Variants in CFAP44 observed in about 807,000 individuals in gnomAD.
The protein encoded by CFAP44 is cilia- and flagella-associated protein 44.
CFAP44 carries 134 observed loss-of-function variants against 216.2 expected under a neutral mutation model. That is an observed-to-expected ratio of 0.62 (90% CI 0.54 to 0.72). The LOEUF (loss-of-function observed/expected upper bound fraction) is 0.72, where lower values mean the gene tolerates loss of function less well. Ranked by LOEUF, CFAP44 falls within the 30% of genes least tolerant of loss-of-function variation. The pLI is 0.00. For synonymous variants in CFAP44, 700 were observed against 727.6 expected (o/e 0.96, Z 0.61); for missense variants, 2,035 against 2,182.1 (o/e 0.93, Z 1.34).
chr3:113,326,169 T>TA (rs1349436958), intron 28 of CFAP44, among the ~76,000 whole-genome samples: 4 of 152,162 alleles, frequency 2.6e-5, no homozygotes, highest in Non-Finnish European at 4.4e-5. Flanking sequence ...AATAAACACA[T>TA]AAAAAGATGT....
At chr3:113,394,028 AT>A (rs538904412) in intron 15 of CFAP44, among the ~76,000 whole-genome samples, 4 of 152,292 alleles carry the variant, frequency 2.6e-5, no homozygotes, top group African/African-American at 9.6e-5. Context: ...ATTACTTTTA[AT>A]TTTTTTAAAC....
chr3:113,366,132 C>T lies in CFAP44; in HGVS notation c.2622G>A (p.Val874=), dbSNP rs1445900488. ...AGATATTGCCATCTGCTCCAGCAGT[C>T]ACCAAGAAACGATCATCAAAGCTAT... The part of the protein sequence containing the change: ...IANSFDDRFL[V]TAGADGNIFV... The change falls in exon 19 of 35, where the codon GTG becomes GTA. Residue 874 remains valine, a synonymous_variant. Coordinates refer to ENST00000393845, the MANE Select transcript of CFAP44 (RefSeq NM_001164496.2). 3 of 1,614,008 alleles carry T rather than the reference C, an allele frequency of 1.9e-6. No homozygotes were observed. Among genetic ancestry groups the T allele is most frequent in the Non-Finnish European group, 1.7e-6 (2 of 1,179,970 alleles).
At chr3:113,367,334 G>A (rs909041217) in intron 18 of CFAP44, among the ~76,000 whole-genome samples, 1 of 152,174 alleles carries the variant, frequency 6.6e-6, no homozygotes, top group Admixed American at 6.5e-5. Flanking sequence ...ATACAGGCGG[G>A]TGCCCTTCTG....
At chr3:113,427,665 G>A (rs1934998682) in intron 2 of CFAP44, 1 of 203,296 alleles carries the variant, frequency 4.9e-6, no homozygotes, top group Non-Finnish European at 9.6e-6. Context: ...CTTTTATAGG[G>A]AACCTGTTAC....
intron 28 of CFAP44, among the ~76,000 whole-genome samples, chr3:113,312,137 T>G (rs1253783339): frequency 1.3e-5 from 2 of 149,774 alleles, no homozygotes; most frequent in Non-Finnish European, 3.0e-5. Context: ...AGTGGCACCA[T>G]TGCCACTCAC....
Position 113,433,555 on chromosome 3 carries a change from C to T in CFAP44, c.100+10G>A. The T allele has an allele frequency of 6.6e-7, 1 of 1,524,724 alleles. No homozygotes were observed. Among genetic ancestry groups the T allele is most frequent in the Non-Finnish European group, 9.0e-7 (1 of 1,116,382 alleles). The allele number at this position is 1,524,724 out of a possible 1,614,324, so 94.4% of individuals were successfully genotyped here. A position where few individuals can be genotyped will look rare whatever the true frequency, so the allele number is the denominator to read the frequency against. ...ATACTTTTAAAAGTATACATATTAT[C>T]TTTACTTACATCTTGATTCTGATTT... On this transcript the variant is annotated intron_variant, in intron 2 of 34. Transcript: ENST00000393845.
intron 17 of CFAP44, among the ~76,000 whole-genome samples, chr3:113,375,658 G>A (rs969957449): frequency 6.6e-6 from 1 of 151,998 alleles, no homozygotes; most frequent in African/African-American, 2.4e-5. Context: ...TAAAAATGAA[G>A]AAACTAACAC....
chr3:113,436,623 T>C (rs1004406277), intron 1 of CFAP44, among the ~76,000 whole-genome samples: 2 of 152,230 alleles, frequency 1.3e-5, no homozygotes, highest in African/African-American at 4.8e-5. Context: ...TCGATAATGA[T>C]TTCTTTGATA....
intron 25 of CFAP44, 22 bp from the exon 26 acceptor site, chr3:113,330,690 AAAC>A: frequency 2.6e-6 from 4 of 1,519,734 alleles, no homozygotes; most frequent in Non-Finnish European, 3.5e-6. Flanking sequence ...AAGAGGAAGG[AAAC>A]AACAGTACAA....
intron 28 of CFAP44, among the ~76,000 whole-genome samples, chr3:113,318,446 T>G (rs1950109471): frequency 1.3e-5 from 2 of 152,156 alleles, no homozygotes; most frequent in African/African-American, 4.8e-5. Context: ...AGAACAAATC[T>G]ATGACTCATT....
chr3:113,344,779 T>C lies in CFAP44; in HGVS notation c.3066-67A>G. On this transcript the variant is annotated intron_variant, in intron 22 of 34. Transcript: ENST00000393845. ...ATCATTCTGCATAATTACTAAGTAA[T>C]AAAATAAAACTACAATACACTATTC... The C allele has an allele frequency of 3.0e-6, 4 of 1,349,828 alleles. No individual in the cohort carries two copies. The African/African-American group carries it at 5.9e-5, about 20-fold the overall frequency. 83.6% of individuals were successfully genotyped at this position (1,349,828 alleles called of 1,614,324 possible).
intron 33 of CFAP44, among the ~76,000 whole-genome samples, chr3:113,296,478 A>G (rs747093350): frequency 1.1e-4 from 16 of 152,164 alleles, no homozygotes; most frequent in African/African-American, 3.1e-4. Flanking sequence ...TCCATTTTAC[A>G]TAATATTTAT....
intron 9 of CFAP44, 150 bp downstream of exon 9, chr3:113,403,702 C>A: frequency 1.2e-6 from 1 of 846,428 alleles, no homozygotes; most frequent in Non-Finnish European, 1.7e-6. Context: ...ATATTTACCA[C>A]AAGAGAAGCA....
At chr3:113,367,628 A>G (rs1028875090) in intron 18 of CFAP44, among the ~76,000 whole-genome samples, 1 of 152,232 alleles carries the variant, frequency 6.6e-6, no homozygotes, top group African/African-American at 2.4e-5. Context: ...GATGGGGAGA[A>G]ACCAGAGCAG....
At chr3:113,423,760 C>A (rs1331015659) in intron 4 of CFAP44, among the ~76,000 whole-genome samples, 2 of 152,306 alleles carry the variant, frequency 1.3e-5, no homozygotes, top group South Asian at 2.1e-4. Flanking sequence ...TTAAATTTAA[C>A]AGAGTTTAAT....
At chr3:113,333,817 G>A (rs917989189) in intron 24 of CFAP44, among the ~76,000 whole-genome samples, 3 of 152,100 alleles carry the variant, frequency 2.0e-5, no homozygotes, top group African/African-American at 7.2e-5. Flanking sequence ...TCACTAGATT[G>A]TACTGAAATA....
intron 19 of CFAP44, among the ~76,000 whole-genome samples, chr3:113,365,015 G>T (rs1950574876): frequency 6.6e-6 from 1 of 152,092 alleles, no homozygotes; most frequent in African/African-American, 2.4e-5. Context: ...AAATTTAAAT[G>T]TGGAATAAAT....
chr3:113,423,785 T>C (rs559598521), intron 4 of CFAP44, among the ~76,000 whole-genome samples: 24 of 152,320 alleles, frequency 1.6e-4, no homozygotes, highest in African/African-American at 5.5e-4. Flanking sequence ...CAAAGAACCA[T>C]TCAAGAATTC....
intron 6 of CFAP44, among the ~76,000 whole-genome samples, chr3:113,410,010 G>C (rs938090847): frequency 1.3e-5 from 2 of 152,130 alleles, no homozygotes; most frequent in Non-Finnish European, 2.9e-5. Flanking sequence ...TTCCTGTCCG[G>C]AAACCTCATG....
Sources: allele counts gnomAD v4.1 joint callset (sites outside exome capture counted in the v4.1 genomes callset), GRCh38; gene constraint gnomAD v4.1.1; transcripts MANE v1.5; gene names NCBI Gene and HGNC (gene_info 2026-07-23, HGNC 2026-07-21).